Variants in TSPAN5 observed in about 807,000 individuals in gnomAD.
The protein encoded by TSPAN5 is tetraspanin-5.
TSPAN5 carries 10 observed loss-of-function variants against 37.1 expected under a neutral mutation model. The observed-to-expected ratio is 0.27, with a 90% CI of 0.17 to 0.46. The LOEUF (loss-of-function observed/expected upper bound fraction) is 0.46, where lower values mean the gene tolerates loss of function less well. Among genes scored for constraint, TSPAN5 ranks in the 20% least tolerant of loss-of-function variants. The pLI is 1.00. For synonymous variants in TSPAN5, 110 were observed against 118.9 expected (o/e 0.93, Z 0.48); for missense variants, 195 against 326.6 (o/e 0.60, Z 3.11).
chr4:98,560,951 G>A (rs368110730), intron 1 of TSPAN5, among the ~76,000 whole-genome samples: 96 of 152,290 alleles, frequency 6.3e-4, no homozygotes, highest in South Asian at 5.0e-3. Flanking sequence ...GGCAACTAAC[G>A]ATAACACAGT....
chr4:98,651,417 A>C (rs962330925), intron 1 of TSPAN5, among the ~76,000 whole-genome samples: 3 of 152,214 alleles, frequency 2.0e-5, no homozygotes, highest in Admixed American at 1.3e-4. Flanking sequence ...AGCAACTGGG[A>C]AACTTGGATG....
chr4:98,633,869 C>T (rs113660273), intron 1 of TSPAN5, among the ~76,000 whole-genome samples: 31,299 of 151,954 alleles, frequency 0.21, 3,653 homozygotes, highest in South Asian at 0.41. Context: ...CACCTGAGGT[C>T]GGGAGTTCAA....
At chr4:98,484,151 T>TGC (rs1752909088) in intron 3 of TSPAN5, 1 of 249,766 alleles carries the variant, frequency 4.0e-6, no homozygotes, top group Non-Finnish European at 7.9e-6. Flanking sequence ...GAGTCCAAAT[T>TGC]CAATTCATAT....
chr4:98,507,457 G>A (rs17027628), intron 2 of TSPAN5, among the ~76,000 whole-genome samples: 1 of 152,054 alleles, frequency 6.6e-6, no homozygotes. Context: ...TGTTGAGCAC[G>A]TGTATTGTTA....
chr4:98,607,884 T>A (rs1756077143), intron 1 of TSPAN5, among the ~76,000 whole-genome samples: 1 of 152,088 alleles, frequency 6.6e-6, no homozygotes, highest in African/African-American at 2.4e-5. Context: ...CTAATGTTTG[T>A]ATTTTTAGTA....
chr4:98,602,698 C>T (rs922536611), intron 1 of TSPAN5, among the ~76,000 whole-genome samples: 2 of 152,120 alleles, frequency 1.3e-5, no homozygotes, highest in Admixed American at 6.5e-5. Flanking sequence ...TTTTGCCCTG[C>T]GACAGAATTG....
At chr4:98,499,364 T>C (rs1364782390) in intron 2 of TSPAN5, among the ~76,000 whole-genome samples, 1 of 152,160 alleles carries the variant, frequency 6.6e-6, no homozygotes, top group Non-Finnish European at 1.5e-5. Context: ...TAATGCAAAG[T>C]TAGGTTTGCA....
At chr4:98,655,658 G>A (rs1376934509) in intron 1 of TSPAN5, among the ~76,000 whole-genome samples, 1 of 151,844 alleles carries the variant, frequency 6.6e-6, no homozygotes, top group African/African-American at 2.4e-5. Context: ...GAGTAGCACC[G>A]AGTCTGCTGT....
intron 1 of TSPAN5, among the ~76,000 whole-genome samples, chr4:98,565,885 C>G (rs1224191765): frequency 6.6e-6 from 1 of 152,196 alleles, no homozygotes; most frequent in Non-Finnish European, 1.5e-5. Flanking sequence ...ACAAACAACA[C>G]TTCTCTGTGA....
intron 1 of TSPAN5, among the ~76,000 whole-genome samples, chr4:98,531,224 C>T (rs146576143): frequency 9.2e-5 from 14 of 152,164 alleles, no homozygotes; most frequent in Non-Finnish European, 1.9e-4. Flanking sequence ...TCCCCTACCC[C>T]CTACCCCACG....
intron 1 of TSPAN5, among the ~76,000 whole-genome samples, chr4:98,562,753 C>G (rs552797232): frequency 2.8e-4 from 43 of 152,238 alleles, no homozygotes; most frequent in African/African-American, 9.9e-4. Context: ...GTGATACATA[C>G]ATGTGTATGT....
intron 1 of TSPAN5, among the ~76,000 whole-genome samples, chr4:98,652,813 A>C (rs1329241664): frequency 3.3e-5 from 5 of 152,224 alleles, no homozygotes; most frequent in Non-Finnish European, 7.3e-5. Flanking sequence ...GTGGACATTA[A>C]AACAAAGTGA....
At chr4:98,592,497 A>G (rs966462071) in intron 1 of TSPAN5, among the ~76,000 whole-genome samples, 3 of 142,198 alleles carry the variant, frequency 2.1e-5, no homozygotes, top group Non-Finnish European at 4.5e-5. Context: ...CAGGTTAGTT[A>G]CATATGTATA....
chr4:98,492,860 G>A (rs1232637032), intron 2 of TSPAN5, among the ~76,000 whole-genome samples: 5 of 152,154 alleles, frequency 3.3e-5, no homozygotes, highest in Admixed American at 3.3e-4. Flanking sequence ...AATTCTGCAT[G>A]TAAACTTGAA....
At chr4:98,620,032 G>T (rs1756446536) in intron 1 of TSPAN5, among the ~76,000 whole-genome samples, 1 of 152,148 alleles carries the variant, frequency 6.6e-6, no homozygotes, top group South Asian at 2.1e-4. Context: ...GTAGCATGGA[G>T]AATTTGGGCA....
intron 1 of TSPAN5, among the ~76,000 whole-genome samples, chr4:98,534,419 GAGT>G: frequency 1.3e-5 from 2 of 152,286 alleles, no homozygotes; most frequent in South Asian, 4.2e-4. Flanking sequence ...ATTTGCTGAG[GAGT>G]GTTTTACTTC....
chr4:98,505,884 G>C (rs929347489), intron 2 of TSPAN5, among the ~76,000 whole-genome samples: 1 of 152,168 alleles, frequency 6.6e-6, no homozygotes, highest in African/African-American at 2.4e-5. Context: ...GATCTCAAGA[G>C]AAATCTTGAT....
intron 1 of TSPAN5, among the ~76,000 whole-genome samples, chr4:98,523,198 T>C (rs891328868): frequency 6.6e-6 from 1 of 152,206 alleles, no homozygotes; most frequent in Non-Finnish European, 1.5e-5. Flanking sequence ...ACTCTGGAAT[T>C]TTCCTTTTCT....
intron 2 of TSPAN5, among the ~76,000 whole-genome samples, chr4:98,488,662 C>CG: frequency 6.6e-6 from 1 of 152,166 alleles, no homozygotes; most frequent in South Asian, 2.1e-4. Context: ...ATATTTACTC[C>CG]GGGGGAAAAG....
Sources: gnomAD v4.1 joint callset for allele counts (sites outside exome capture counted in the v4.1 genomes callset) on GRCh38, gnomAD v4.1.1 for gene constraint, MANE v1.5 for transcripts, NCBI Gene and HGNC (gene_info 2026-07-23, HGNC 2026-07-21) for gene names.